FGF14: variants seen among roughly 807,000 people sequenced by gnomAD.
FGF14 encodes fibroblast growth factor 14.
In FGF14, 5 loss-of-function variants were observed where a neutral mutation model predicts 25.5. That is an observed-to-expected ratio of 0.20 (90% CI 0.10 to 0.41). The LOEUF (loss-of-function observed/expected upper bound fraction) is 0.41. FGF14 is among the 10% of genes least tolerant of loss of function. FGF14 has a pLI of 1.00. For synonymous variants in FGF14, 138 were observed against 118.3 expected, an observed-to-expected ratio of 1.17 and a Z score of -1.08; for missense variants, 222 against 320.1, an observed-to-expected ratio of 0.69 and a Z score of 2.34.
intron 1 of FGF14, among the ~76,000 whole-genome samples, chr13:102,134,379 T>C (rs948222598): frequency 1.3e-5 from 2 of 152,236 alleles, no homozygotes; most frequent in Non-Finnish European, 2.9e-5. Flanking sequence ...GGTACTTTTC[T>C]GCCCACCTTG....
chr13:101,868,864 G>A, intron 2 of FGF14, 36 bp from the exon 3 acceptor site: 1 of 1,326,940 alleles, frequency 7.5e-7, no homozygotes, highest in Non-Finnish European at 1.1e-6. Flanking sequence ...TGAATGGGCA[G>A]GAAGAAGCAG....
intron 1 of FGF14, among the ~76,000 whole-genome samples, chr13:102,305,045 T>A (rs2055296985): frequency 6.6e-6 from 1 of 152,200 alleles, no homozygotes; most frequent in Admixed American, 6.5e-5. Flanking sequence ...AATCCATTTG[T>A]AAGGAAAGTA....
At chr13:102,169,499 A>G (rs925039855) in intron 1 of FGF14, among the ~76,000 whole-genome samples, 4 of 152,188 alleles carry the variant, frequency 2.6e-5, no homozygotes, top group South Asian at 2.1e-4. Context: ...AAGGAGAGGT[A>G]ATCATTATTA....
chr13:101,741,419 C>T (rs1566841746), intron 3 of FGF14, among the ~76,000 whole-genome samples: 3 of 152,200 alleles, frequency 2.0e-5, no homozygotes, highest in East Asian at 3.9e-4. Context: ...GAGCAGTAAA[C>T]AGAAATGTTA....
chr13:102,239,160 C>T (rs1345935126), intron 1 of FGF14, among the ~76,000 whole-genome samples: 1 of 152,134 alleles, frequency 6.6e-6, no homozygotes, highest in Admixed American at 6.5e-5. Context: ...CTCCAAAGCC[C>T]TGAAGTAGCA....
intron 1 of FGF14, among the ~76,000 whole-genome samples, chr13:101,876,049 C>T (rs545679035): frequency 1.3e-5 from 2 of 152,162 alleles, no homozygotes; most frequent in Admixed American, 1.3e-4. Flanking sequence ...TCAAGTTATA[C>T]AATATGAAAT....
intron 1 of FGF14, among the ~76,000 whole-genome samples, chr13:102,314,848 G>C (rs997514707): frequency 2.6e-5 from 4 of 151,600 alleles, no homozygotes; most frequent in African/African-American, 9.7e-5. Context: ...TTCTCGACAT[G>C]GGAGTAAATA....
rs1413792601 is a variant in FGF14 at position 102,172,113 on chromosome 13, A to AC, written c.208+229357dup. Among the ~76,000 whole-genome samples, 12 of 151,740 alleles carry AC rather than the reference A, an allele frequency of 7.9e-5. No homozygotes were observed. In the East Asian group the frequency reaches 1.7e-3, roughly 22 times the overall value. ...CCAAAGTGCTGGGATTACAGATATG[A>AC]CCCCCTACACCTGGCCCTCTTCACC... On this transcript the variant is annotated intron_variant, in intron 1 of 4. Coordinates refer to the FGF14 transcript ENST00000376131.
chr13:101,987,560 C>A (rs1360165449), intron 1 of FGF14, among the ~76,000 whole-genome samples: 1 of 151,932 alleles, frequency 6.6e-6, no homozygotes, highest in Non-Finnish European at 1.5e-5. Context: ...TTCTTTTTAT[C>A]ACATAATTTA....
At chr13:102,397,014 G>A (rs2058601533) in intron 1 of FGF14, among the ~76,000 whole-genome samples, 1 of 152,166 alleles carries the variant, frequency 6.6e-6, no homozygotes, top group Non-Finnish European at 1.5e-5. Context: ...TTCCAGACGT[G>A]CAGTCTGAAT....
intron 1 of FGF14, among the ~76,000 whole-genome samples, chr13:102,221,059 C>G (rs9518662): frequency 6.6e-6 from 1 of 152,086 alleles, no homozygotes; most frequent in African/African-American, 2.4e-5. Flanking sequence ...AGAAGGAGAG[C>G]GGACATACAA....
At chr13:101,750,625 G>T (rs61965127) in intron 3 of FGF14, among the ~76,000 whole-genome samples, 5,366 of 152,218 alleles carry the variant, frequency 0.035, 110 homozygotes, top group Admixed American at 0.042. Context: ...CAGTAACTGG[G>T]AGTGATGGGG....
At chr13:102,184,026 G>A (rs1240997012) in intron 1 of FGF14, among the ~76,000 whole-genome samples, 1 of 152,136 alleles carries the variant, frequency 6.6e-6, no homozygotes. Context: ...ACAACAAATA[G>A]AACACTTAGC....
intron 1 of FGF14, among the ~76,000 whole-genome samples, chr13:102,368,747 A>C (rs949865898): frequency 3.3e-5 from 5 of 152,140 alleles, no homozygotes; most frequent in African/African-American, 9.7e-5. Context: ...AGAAAATGCA[A>C]TTCCCCTTCT....
rs192850843 is a variant in FGF14 at position 101,949,046 on chromosome 13, G to T, written c.209-73750C>A. On this transcript the variant is annotated intron_variant, in intron 1 of 4. Coordinates refer to the FGF14 transcript ENST00000376131. ...TTGTATGGGTGTGTTGGGGGCTGGGGAGATGGGCAGCAACAGGAACTGGGT... is the reference window on the plus strand; with the variant it reads ...TTGTATGGGTGTGTTGGGGGCTGGGTAGATGGGCAGCAACAGGAACTGGGT... Among the ~76,000 whole-genome samples, 6 of 152,250 alleles carry T rather than the reference G, an allele frequency of 3.9e-5. No individual in the cohort carries two copies. In the East Asian group the frequency reaches 1.2e-3, roughly 29 times the overall value.
chr13:102,050,683 C>A (rs1406277107), intron 1 of FGF14, among the ~76,000 whole-genome samples: 1 of 151,854 alleles, frequency 6.6e-6, no homozygotes, highest in Non-Finnish European at 1.5e-5. Context: ...CCCACACACA[C>A]AAAAAGAAAA....
chr13:102,043,713 G>T (rs957693418), intron 1 of FGF14, among the ~76,000 whole-genome samples: 1 of 152,150 alleles, frequency 6.6e-6, no homozygotes, highest in Non-Finnish European at 1.5e-5. Context: ...CATGAAACTA[G>T]ATTAGGAACT....
intron 1 of FGF14, among the ~76,000 whole-genome samples, chr13:102,218,105 T>C (rs2050452169): frequency 6.6e-6 from 1 of 152,108 alleles, no homozygotes; most frequent in Non-Finnish European, 1.5e-5. Flanking sequence ...GGGACCTTCA[T>C]CAATTTTGCT....
At chr13:101,921,514 A>G (rs1480615958), upstream of FGF14, among the ~76,000 whole-genome samples, 1 of 152,174 alleles carries the variant, frequency 6.6e-6, no homozygotes, top group Non-Finnish European at 1.5e-5. Context: ...TACCCCGTAT[A>G]TATTTGTGTA....
Sources: allele counts gnomAD v4.1 joint callset (sites outside exome capture counted in the v4.1 genomes callset), GRCh38; gene constraint gnomAD v4.1.1; transcripts MANE v1.5; gene names NCBI Gene and HGNC (gene_info 2026-07-23, HGNC 2026-07-21).